The following DSCAM variants were observed in gnomAD, a reference collection of about 807,000 sequenced individuals.
The protein encoded by DSCAM is cell adhesion molecule DSCAM.
DSCAM carries 47 observed loss-of-function variants against 217.7 expected under a neutral mutation model. The ratio of observed to expected loss-of-function variants is 0.22; its 90% CI spans 0.17 to 0.28. The LOEUF (loss-of-function observed/expected upper bound fraction) is 0.28, where lower values mean the gene tolerates loss of function less well. Ranked by LOEUF, DSCAM falls within the 10% of genes least tolerant of loss-of-function variation. The probability of loss-of-function intolerance (pLI) is 1.00; values close to 1 mark genes in which losing one functional copy is unlikely to be tolerated. For synonymous variants in DSCAM, 1,056 were observed against 1,015.3 expected (o/e 1.04, Z -0.76); for missense variants, 2,080 against 2,618.3 (o/e 0.79, Z 4.49).
At chr21:40,036,552 A>G (rs1316956798) in intron 32 of DSCAM, among the ~76,000 whole-genome samples, 5 of 147,406 alleles carry the variant, frequency 3.4e-5, no homozygotes, top group African/African-American at 5.3e-5. Flanking sequence ...AGAGTCCAGG[A>G]CCAGATGGAT....
chr21:40,537,387 T>TA (rs1320253581), intron 3 of DSCAM, among the ~76,000 whole-genome samples: 1 of 152,146 alleles, frequency 6.6e-6, no homozygotes, highest in East Asian at 1.9e-4. Context: ...CACTCTTGAG[T>TA]AACTAAACTC....
At chr21:40,768,988 T>C (rs1023685469) in intron 1 of DSCAM, among the ~76,000 whole-genome samples, 5 of 152,226 alleles carry the variant, frequency 3.3e-5, no homozygotes, top group African/African-American at 9.6e-5. Flanking sequence ...CGTCCTTTGA[T>C]GTCAGGGTGA....
chr21:40,286,259 T>A (rs1254341609), intron 10 of DSCAM, among the ~76,000 whole-genome samples: 2 of 152,132 alleles, frequency 1.3e-5, no homozygotes, highest in Admixed American at 1.3e-4. Context: ...AGAGACCCAA[T>A]TTCTCAGAAC....
At chr21:40,676,547 G>T (rs114295272) in intron 3 of DSCAM, among the ~76,000 whole-genome samples, 2,154 of 152,178 alleles carry the variant, frequency 0.014, 33 homozygotes, top group South Asian at 0.051. Context: ...TTGTTTGCTT[G>T]TTTTTTTGTT....
At chr21:40,495,905 T>C (rs1443827928) in intron 3 of DSCAM, among the ~76,000 whole-genome samples, 2 of 152,192 alleles carry the variant, frequency 1.3e-5, no homozygotes, top group South Asian at 4.1e-4. Flanking sequence ...CCAAAAAAGT[T>C]ATCAAGAAAA....
chr21:40,215,996 C>T (rs370329707), intron 11 of DSCAM, among the ~76,000 whole-genome samples: 3 of 151,652 alleles, frequency 2.0e-5, no homozygotes, highest in African/African-American at 2.4e-5. Context: ...TGGGAAGGAC[C>T]CAGTTATAAA....
At chr21:40,491,112 G>A (rs911361653) in intron 3 of DSCAM, among the ~76,000 whole-genome samples, 1 of 152,122 alleles carries the variant, frequency 6.6e-6, no homozygotes, top group Middle Eastern at 3.2e-3. Context: ...ATAAAAGAAA[G>A]TGCAATTTTA....
In DSCAM at chr21:40,430,840, A is replaced by G. The variant is rs185458997; in HGVS notation, c.509-61595T>C. Among the ~76,000 whole-genome samples the G allele has an allele frequency of 3.5e-3, 532 of 152,310 alleles. 2 individuals are homozygous for G. Among genetic ancestry groups the G allele is most frequent in the African/African-American group, 0.012 (495 of 41,566 alleles). Reference sequence around the variant, plus strand: ...TCAAATGAGATACCGTGTGCGACGCACTTGAGGCAGAACACACAGCACGTG... The same window carrying G: ...TCAAATGAGATACCGTGTGCGACGCGCTTGAGGCAGAACACACAGCACGTG... On this transcript the variant is annotated intron_variant, in intron 3 of 32. Transcript: ENST00000400454.
intron 3 of DSCAM, among the ~76,000 whole-genome samples, chr21:40,602,439 A>C (rs2077069708): frequency 6.6e-6 from 1 of 152,162 alleles, no homozygotes; most frequent in Non-Finnish European, 1.5e-5. Context: ...TCACTAGTGC[A>C]AACACTGGTG....
At chr21:40,092,804 C>T (rs1228863699) in intron 21 of DSCAM, among the ~76,000 whole-genome samples, 1 of 152,060 alleles carries the variant, frequency 6.6e-6, no homozygotes, top group Admixed American at 6.5e-5. Context: ...AGTAAGTCCC[C>T]CAGTTTATTT....
intron 11 of DSCAM, among the ~76,000 whole-genome samples, chr21:40,250,945 G>A (rs1254769107): frequency 6.6e-6 from 1 of 152,198 alleles, no homozygotes; most frequent in Admixed American, 6.5e-5. Context: ...ACCAGTTCTG[G>A]GCACTGATAA....
At chr21:40,541,349 CAAATA>C (rs1299140651) in intron 3 of DSCAM, among the ~76,000 whole-genome samples, 4 of 152,012 alleles carry the variant, frequency 2.6e-5, no homozygotes, top group Non-Finnish European at 5.9e-5. Flanking sequence ...AGTAAGTTTA[CAAATA>C]AAATAAAGTG....
intron 1 of DSCAM, among the ~76,000 whole-genome samples, chr21:40,757,051 G>A (rs1417726072): frequency 2.0e-5 from 3 of 151,986 alleles, no homozygotes; most frequent in African/African-American, 7.3e-5. Context: ...TTGAGATGGA[G>A]TCTTGCTCTG....
intron 20 of DSCAM, among the ~76,000 whole-genome samples, chr21:40,098,837 C>T (rs976677299): frequency 2.0e-5 from 3 of 152,144 alleles, no homozygotes; most frequent in Non-Finnish European, 2.9e-5. Flanking sequence ...CTAGCATGCA[C>T]GTGCATGTGT....
At chr21:40,721,999 GAAGAC>G (rs755707854) in intron 1 of DSCAM, among the ~76,000 whole-genome samples, 9 of 151,880 alleles carry the variant, frequency 5.9e-5, no homozygotes, top group African/African-American at 1.7e-4. Flanking sequence ...ACGCAAAACA[GAAGAC>G]AAGGGGAGAG....
At chr21:40,266,778 A>G (rs2073540546) in intron 11 of DSCAM, among the ~76,000 whole-genome samples, 1 of 1,882 alleles carries the variant, frequency 5.3e-4, no homozygotes, top group African/African-American at 9.4e-4. Flanking sequence ...TTTCACATGC[A>G]TATATATATA....
intron 3 of DSCAM, among the ~76,000 whole-genome samples, chr21:40,663,058 T>A (rs968263232): frequency 4.0e-5 from 2 of 50,498 alleles, no homozygotes; most frequent in Non-Finnish European, 1.3e-4. Context: ...TGTGTGTGTG[T>A]GCGCACCTGT....
chr21:40,236,092 G>A (rs1051785987), intron 11 of DSCAM, among the ~76,000 whole-genome samples: 1 of 152,106 alleles, frequency 6.6e-6, no homozygotes, highest in African/African-American at 2.4e-5. Flanking sequence ...ATATAAACTT[G>A]TTTCTGCCGA....
intron 3 of DSCAM, among the ~76,000 whole-genome samples, chr21:40,532,847 C>T (rs2076458535): frequency 6.7e-6 from 1 of 150,360 alleles, no homozygotes; most frequent in Non-Finnish European, 1.5e-5. Context: ...GGGGGTGGTG[C>T]TTCAAAACAG....
Sources: gnomAD v4.1 joint callset for allele counts (sites outside exome capture counted in the v4.1 genomes callset) on GRCh38, gnomAD v4.1.1 for gene constraint, MANE v1.5 for transcripts, NCBI Gene and HGNC (gene_info 2026-07-23, HGNC 2026-07-21) for gene names.